The following SOX5 variants were observed in gnomAD, a reference collection of about 807,000 sequenced individuals.
The protein encoded by SOX5 is SRY-box transcription factor 5, also known as transcription factor SOX-5.
A neutral mutation model predicts 92.0 loss-of-function variants in SOX5; 9 were observed. The ratio of observed to expected loss-of-function variants is 0.10; its 90% confidence interval spans 0.06 to 0.17. The LOEUF (loss-of-function observed/expected upper bound fraction) is 0.17, where lower values mean the gene tolerates loss of function less well. Among genes scored for constraint, SOX5 ranks in the 10% least tolerant of loss-of-function variants. SOX5 has a pLI of 1.00. For missense variants in SOX5, 642 were observed against 944.5 expected (o/e 0.68, Z 4.20); for synonymous variants, 344 against 336.3 (o/e 1.02, Z -0.25).
intron 11 of SOX5, among the ~76,000 whole-genome samples, chr12:23,553,367 A>G (rs976794140): frequency 1.3e-5 from 2 of 152,022 alleles, no homozygotes; most frequent in South Asian, 2.1e-4. Flanking sequence ...CAGGGAGGAA[A>G]AAAATCCCTA....
At chr12:24,000,143 T>A (rs552033701) in intron 4 of SOX5, among the ~76,000 whole-genome samples, 1 of 150,980 alleles carries the variant, frequency 6.6e-6, no homozygotes, top group Admixed American at 6.6e-5. Context: ...ATAAATATCA[T>A]ATATATACTA....
intron 3 of SOX5, among the ~76,000 whole-genome samples, chr12:24,275,347 G>A (rs1489617065): frequency 6.6e-6 from 1 of 151,898 alleles, no homozygotes; most frequent in African/African-American, 2.4e-5. Flanking sequence ...AGATATATAT[G>A]TGCATACATG....
intron 3 of SOX5, among the ~76,000 whole-genome samples, chr12:23,803,556 T>C (rs2095703998): frequency 1.3e-5 from 2 of 152,206 alleles, no homozygotes; most frequent in East Asian, 3.8e-4. Context: ...CTTTGATCCA[T>C]AACTCTTTTA....
intron 1 of SOX5, among the ~76,000 whole-genome samples, chr12:24,446,560 C>A (rs1313895657): frequency 6.6e-6 from 1 of 152,162 alleles, no homozygotes; most frequent in African/African-American, 2.4e-5. Flanking sequence ...AAGCTTCATG[C>A]ACCAACATGG....
chr12:24,455,799 G>A (rs939662814), intron 1 of SOX5, among the ~76,000 whole-genome samples: 2 of 152,148 alleles, frequency 1.3e-5, no homozygotes, highest in Admixed American at 1.3e-4. Context: ...CCTTCCAGCT[G>A]CCGGGAGGTC....
At chr12:24,439,868 C>G (rs1488000591) in intron 1 of SOX5, among the ~76,000 whole-genome samples, 1 of 152,082 alleles carries the variant, frequency 6.6e-6, no homozygotes, top group Non-Finnish European at 1.5e-5. Flanking sequence ...GCACTCCAGC[C>G]TGGGCACCAG....
At chr12:24,505,189 G>C (rs1368520287) in intron 1 of SOX5, among the ~76,000 whole-genome samples, 1 of 152,108 alleles carries the variant, frequency 6.6e-6, no homozygotes, top group Non-Finnish European at 1.5e-5. Context: ...CAGAAATAAT[G>C]GCTCAATCTG....
At chr12:24,384,363 G>A (rs1009614534) in intron 1 of SOX5, among the ~76,000 whole-genome samples, 18 of 152,110 alleles carry the variant, frequency 1.2e-4, no homozygotes, top group South Asian at 1.0e-3. Context: ...TGTATGGCCC[G>A]GTTTCTAATA....
chr12:23,942,943 C>T (rs925892494), intron 1 of SOX5, among the ~76,000 whole-genome samples: 3 of 151,996 alleles, frequency 2.0e-5, no homozygotes, highest in African/African-American at 7.2e-5. Flanking sequence ...GAAATAGAAA[C>T]GCTGTTACAT....
chr12:23,707,416 G>A (rs1455049532), intron 6 of SOX5, among the ~76,000 whole-genome samples: 11 of 152,106 alleles, frequency 7.2e-5, no homozygotes, highest in African/African-American at 2.4e-5. Context: ...GAATTAGTCT[G>A]AGTTTCAGGG....
intron 4 of SOX5, among the ~76,000 whole-genome samples, chr12:23,995,949 T>A (rs1592164031): frequency 6.6e-6 from 1 of 152,340 alleles, no homozygotes; most frequent in Admixed American, 6.5e-5. Context: ...TTGGGATATA[T>A]GTCAGCTCAC....
chr12:24,148,481 CAAAAAAAAAA>C (rs34951170), intron 4 of SOX5, among the ~76,000 whole-genome samples: 2 of 53,590 alleles, frequency 3.7e-5, no homozygotes, highest in African/African-American at 1.6e-4. Flanking sequence ...GGCTCCATGT[CAAAAAAAAAA>C]AAAAAAAAAA....
chr12:24,544,924 C>T (rs1477016723), intron 1 of SOX5, among the ~76,000 whole-genome samples: 7 of 152,268 alleles, frequency 4.6e-5, no homozygotes, highest in South Asian at 2.1e-4. Context: ...CTTCTAATTA[C>T]GTTTCTGATT....
chr12:24,431,631 T>C (rs1322964380), intron 1 of SOX5, among the ~76,000 whole-genome samples: 1 of 152,210 alleles, frequency 6.6e-6, no homozygotes, highest in Admixed American at 6.5e-5. Flanking sequence ...TAAATGGTGG[T>C]AGTAAATTGC....
rs559434603 is a variant in SOX5 at position 24,498,039 on chromosome 12, C to A, written c.-251+64290G>T. ...ATGGGGGTGGGGAGGACAACACACA[C>A]TGAGGCCTGTCTGAGGGTGCAGCAG... On this transcript the variant is annotated intron_variant, in intron 1 of 4. Coordinates refer to the SOX5 transcript ENST00000446891. Among the ~76,000 whole-genome samples the A allele has an allele frequency of 2.9e-3, 443 of 152,174 alleles. 2 individuals are homozygous for A. Among genetic ancestry groups the A allele is most frequent in the African/African-American group, 9.8e-3 (407 of 41,510 alleles).
At chr12:24,282,763 G>C in intron 2 of SOX5, among the ~76,000 whole-genome samples, 1 of 152,194 alleles carries the variant, frequency 6.6e-6, no homozygotes, top group East Asian at 1.9e-4. Context: ...GGGAGGTTAA[G>C]TTAATTAGGG....
intron 3 of SOX5, among the ~76,000 whole-genome samples, chr12:24,216,433 G>A (rs1959172366): frequency 6.6e-6 from 1 of 152,010 alleles, no homozygotes; most frequent in Admixed American, 6.6e-5. Flanking sequence ...GCAGTGAGCC[G>A]AGGTCACGCC....
intron 9 of SOX5, among the ~76,000 whole-genome samples, chr12:23,602,615 C>T (rs971541186): frequency 3.9e-5 from 6 of 151,948 alleles, no homozygotes; most frequent in Non-Finnish European, 7.4e-5. Flanking sequence ...AATGTCCTGA[C>T]GTAAAGCCTC....
At chr12:24,105,842 A>G (rs1441948167) in intron 4 of SOX5, among the ~76,000 whole-genome samples, 1 of 151,510 alleles carries the variant, frequency 6.6e-6, no homozygotes, top group Middle Eastern at 3.2e-3. Context: ...AGAGCCAAAA[A>G]GTACAGAAAG....
Sources: allele counts gnomAD v4.1 joint callset (sites outside exome capture counted in the v4.1 genomes callset), GRCh38; gene constraint gnomAD v4.1.1; transcripts MANE v1.5; gene names NCBI Gene and HGNC (gene_info 2026-07-23, HGNC 2026-07-21).